DDX10: variants seen among roughly 807,000 people sequenced by gnomAD.
The protein encoded by DDX10 is DEAD-box helicase 10.
Under a neutral mutation model 104.3 loss-of-function variants are expected in DDX10, and 74 were observed. The observed-to-expected ratio is 0.71, with a 90% confidence interval of 0.59 to 0.86. The LOEUF (loss-of-function observed/expected upper bound fraction) is 0.86. Ranked by LOEUF, DDX10 falls within the 40% of genes least tolerant of loss-of-function variation. DDX10 has a pLI of 0.00. For missense variants in DDX10, 952 were observed against 1,040.0 expected, an observed-to-expected ratio of 0.92 and a Z score of 1.16; for synonymous variants, 351 against 353.4, an observed-to-expected ratio of 0.99 and a Z score of 0.08.
At chr11:108,692,202 A>T (rs1263482337) in intron 8 of DDX10, among the ~76,000 whole-genome samples, 164 bp downstream of exon 8, 1 of 152,228 alleles carries the variant, frequency 6.6e-6, no homozygotes, top group Non-Finnish European at 1.5e-5. Flanking sequence ...AACATTAAGG[A>T]TGTATCAGTG....
At chr11:108,900,034 C>G (rs989335994) in intron 16 of DDX10, among the ~76,000 whole-genome samples, 1 of 152,072 alleles carries the variant, frequency 6.6e-6, no homozygotes, top group Non-Finnish European at 1.5e-5. Flanking sequence ...AATCGCTTGA[C>G]CCAGGAGGCG....
intron 13 of DDX10, among the ~76,000 whole-genome samples, chr11:108,767,049 A>G (rs1279868517): frequency 6.6e-6 from 1 of 152,188 alleles, no homozygotes; most frequent in African/African-American, 2.4e-5. Flanking sequence ...CAGCTGTTTC[A>G]GCTCTTATAT....
At position 108,706,768 on chromosome 11, in the gene DDX10, T is replaced by G; in HGVS notation, c.1253T>G (p.Ile418Ser). 1 of 1,614,066 alleles carries G rather than the reference T, an allele frequency of 6.2e-7. No individual in the cohort carries two copies. Among genetic ancestry groups the G allele is most frequent in the Non-Finnish European group, 8.5e-7 (1 of 1,179,954 alleles). The change falls in exon 10 of 18, where the codon ATT (isoleucine) becomes AGT (serine). Residue 418 changes from isoleucine to serine, a missense_variant. By Grantham distance (142) the Ile-to-Ser change is moderately radical (BLOSUM62 -2). This residue lies in a region of DDX10 where 533 missense variants were observed against 534.1 expected (regional missense o/e 1.00). Transcript: ENST00000322536. The part of the protein sequence containing the change: ...RYKEDGEALL[I>S]LLPSEKAMVQ... ...AAAGAGGATGGTGAAGCTTTGCTAATTTTGCTACCCTCAGAAAAAGCTATG... is the reference window on the plus strand; with the variant it reads ...AAAGAGGATGGTGAAGCTTTGCTAAGTTTGCTACCCTCAGAAAAAGCTATG...
intron 11 of DDX10, among the ~76,000 whole-genome samples, chr11:108,719,374 C>CT (rs1173557290): frequency 6.6e-6 from 1 of 152,090 alleles, no homozygotes; most frequent in Non-Finnish European, 1.5e-5. Context: ...TCATAACACT[C>CT]TAAGTAGAAG....
chr11:108,732,321 A>G (rs1203193202), intron 13 of DDX10, among the ~76,000 whole-genome samples: 1 of 152,210 alleles, frequency 6.6e-6, no homozygotes, highest in African/African-American at 2.4e-5. Context: ...TGAAGTTAGC[A>G]GTTAAACCTA....
At chr11:108,702,882 A>G (rs2094270467) in intron 9 of DDX10, among the ~76,000 whole-genome samples, 1 of 152,224 alleles carries the variant, frequency 6.6e-6, no homozygotes, top group Non-Finnish European at 1.5e-5. Flanking sequence ...CAGAAATACT[A>G]TTTTGTATTG....
chr11:108,706,979 C>T (rs1591796880), intron 10 of DDX10, 142 bp downstream of exon 10: 1 of 666,314 alleles, frequency 1.5e-6, no homozygotes, highest in East Asian at 2.7e-5. Context: ...CTTTTTAGAA[C>T]AGTTTTAGGT....
At chr11:108,824,683 TA>T (rs1421857151) in intron 13 of DDX10, among the ~76,000 whole-genome samples, 1 of 152,174 alleles carries the variant, frequency 6.6e-6, no homozygotes, top group Non-Finnish European at 1.5e-5. Context: ...AAATATTTAT[TA>T]AAAGTAGCAG....
rs1725885075 is a variant in DDX10, at chr11:108,723,342, G to C, written c.1845G>C (p.Lys615Asn). The change falls in exon 13 of 18, where the codon AAG (lysine) becomes AAC (asparagine). Residue 615 changes from lysine (K) to asparagine (N), a missense_variant. Physicochemically the swap from Lys to Asn is moderately conservative, Grantham distance 94 (BLOSUM62 0). Around this residue, in one of 3 missense-constraint regions of DDX10, gnomAD observed 533 missense variants for 534.1 expected, o/e 1.00. Coordinates refer to ENST00000322536, the MANE Select transcript of DDX10 (RefSeq NM_004398.4). The part of the protein sequence containing the change: ...PSLPNTSEAQ[K>N]IKEVPTQFLD... ...TTCCTAACACCAGTGAGGCACAGAA[G>C]ATCAAGGAAGTTCCTACACAGTTCT... 1.9e-6 allele frequency: 3 copies of C among 1,613,974 alleles called. No homozygotes were observed. Among genetic ancestry groups the C allele is most frequent in the East Asian group, 2.2e-5 (1 of 44,854 alleles).
intron 16 of DDX10, among the ~76,000 whole-genome samples, chr11:108,893,775 T>C (rs1030616493): frequency 2.0e-5 from 3 of 152,064 alleles, no homozygotes; most frequent in Non-Finnish European, 4.4e-5. Flanking sequence ...CGGGGGAGCA[T>C]TGATTGCTAA....
At chr11:108,920,818 A>G (rs1243563054) in intron 17 of DDX10, 3 of 152,352 alleles carry the variant, frequency 2.0e-5, no homozygotes, top group South Asian at 2.1e-4. Flanking sequence ...GAGAAAGGGT[A>G]TAAGCTGCTT....
chr11:108,804,498 C>CA (rs3063225), intron 13 of DDX10, among the ~76,000 whole-genome samples: 29,351 of 93,458 alleles, frequency 0.31, 4,872 homozygotes, highest in East Asian at 0.54. Context: ...GACCCTGTCT[C>CA]AAAAAAAAAA....
intron 13 of DDX10, among the ~76,000 whole-genome samples, chr11:108,791,941 C>T (rs1454427639): frequency 1.3e-5 from 2 of 152,100 alleles, no homozygotes; most frequent in Non-Finnish European, 2.9e-5. Flanking sequence ...TTCATCATTG[C>T]AAGCTCTTGG....
intron 13 of DDX10, among the ~76,000 whole-genome samples, chr11:108,752,403 A>T (rs567097595): frequency 2.2e-4 from 34 of 152,156 alleles, no homozygotes; most frequent in Non-Finnish European, 4.1e-4. Context: ...TTCCTGTGGG[A>T]TGAATTGGGT....
At chr11:108,778,697 A>T (rs2094373556) in intron 13 of DDX10, among the ~76,000 whole-genome samples, 1 of 152,226 alleles carries the variant, frequency 6.6e-6, no homozygotes, top group African/African-American at 2.4e-5. Flanking sequence ...GACAAATGGG[A>T]TCTAATTAAA....
intron 13 of DDX10, among the ~76,000 whole-genome samples, chr11:108,822,178 G>A (rs1481922050): frequency 1.3e-5 from 2 of 152,156 alleles, no homozygotes; most frequent in African/African-American, 2.4e-5. Context: ...CTAACCACAG[G>A]CCAGTCTTAG....
Position 108,786,698 on chromosome 11 carries a change from C to G in DDX10, c.1966-51748C>G, listed in dbSNP as rs548873044. Among the ~76,000 whole-genome samples the G allele has an allele frequency of 4.6e-5, 7 of 152,250 alleles. No individual in the cohort carries two copies. The South Asian group carries it at 1.4e-3, about 32-fold the overall frequency. The stretch of plus-strand genomic sequence containing the variant: ...ACTCCTGCTCTTTATTTTCCATTTG[C>G]ATGATAGGTCTTTATTTTTACTTTC... On this transcript the variant is annotated intron_variant, in intron 13 of 17. Transcript: ENST00000322536.
intron 9 of DDX10, among the ~76,000 whole-genome samples, chr11:108,702,189 T>A (rs189795117): frequency 1.4e-4 from 21 of 152,314 alleles, no homozygotes; most frequent in Middle Eastern, 3.4e-3. Flanking sequence ...ATAGTTTTTT[T>A]AAAAAACTTA....
chr11:108,705,289 T>C (rs1263371203), intron 9 of DDX10, among the ~76,000 whole-genome samples: 3 of 152,248 alleles, frequency 2.0e-5, no homozygotes, highest in Non-Finnish European at 2.9e-5. Flanking sequence ...CTACTTTAGA[T>C]GCTAATGACT....
Sources: gnomAD v4.1 joint callset for allele counts (sites outside exome capture counted in the v4.1 genomes callset) on GRCh38, gnomAD v4.1.1 for gene constraint, gnomAD v4.1.1 regional missense constraint, MANE v1.5 for transcripts, NCBI Gene and HGNC (gene_info 2026-07-23, HGNC 2026-07-21) for gene names.